THSD7B: variants seen among roughly 807,000 people sequenced by gnomAD.
THSD7B encodes thrombospondin type 1 domain containing 7B, also known as thrombospondin type-1 domain-containing protein 7B.
Under a neutral mutation model 213.6 loss-of-function variants are expected in THSD7B, and 138 were observed. The observed-to-expected ratio is 0.65, with a 90% CI of 0.56 to 0.74. The LOEUF is 0.74. Among genes scored for constraint, THSD7B ranks in the 30% least tolerant of loss-of-function variants. The pLI is 0.00. For synonymous variants in THSD7B, 742 were observed against 687.0 expected (o/e 1.08, Z -1.25); for missense variants, 1,931 against 1,991.5 (o/e 0.97, Z 0.58).
intron 2 of THSD7B, among the ~76,000 whole-genome samples, chr2:136,910,763 T>C (rs1029155681): frequency 1.3e-5 from 2 of 152,122 alleles, no homozygotes; most frequent in Non-Finnish European, 2.9e-5. Context: ...TTACCCCAAA[T>C]GATATAATTT....
chr2:137,252,877 AAGAGACT>A (rs1428071766), intron 10 of THSD7B, among the ~76,000 whole-genome samples: 1 of 150,578 alleles, frequency 6.6e-6, no homozygotes, highest in Admixed American at 6.6e-5. Flanking sequence ...AAACTATTGG[AAGAGACT>A]AGCATGTTTC....
Position 137,087,435 on chromosome 2 carries a change from T to A in THSD7B, c.951-7438T>A, listed in dbSNP as rs564622511. ...CCTCCTGCAGAAAGCTCCCAGAACT[T>A]ATAAAATAATTCAGCAAAGTTTCTG... On this transcript the variant is annotated intron_variant, in intron 3 of 27. Coordinates refer to ENST00000409968, the MANE Select transcript of THSD7B (RefSeq NM_001316349.2). 3.3e-5 allele frequency among the ~76,000 whole-genome samples: 5 copies of A among 152,262 alleles called. No individual in the cohort carries two copies. In the South Asian group the frequency reaches 8.3e-4, roughly 25 times the overall value.
At chr2:136,942,063 A>T (rs1684837276) in intron 2 of THSD7B, among the ~76,000 whole-genome samples, 1 of 152,226 alleles carries the variant, frequency 6.6e-6, no homozygotes. Context: ...CTTTCTACAT[A>T]TAGCTAGCCA....
intron 19 of THSD7B, 28 bp from the exon 20 acceptor site, chr2:137,620,581 T>C (rs781614871): frequency 6.4e-7 from 1 of 1,554,606 alleles, no homozygotes; most frequent in South Asian, 1.1e-5. Flanking sequence ...ATTTCTCCAA[T>C]AAAGTTGTGT....
chr2:137,675,979 C>T (rs1683691145), intron 27 of THSD7B, among the ~76,000 whole-genome samples: 1 of 152,182 alleles, frequency 6.6e-6, no homozygotes, highest in Non-Finnish European at 1.5e-5. Context: ...GGAAAAGCAG[C>T]CTTCTCTGAC....
rs559886762 is a variant in THSD7B at position 137,281,550 on chromosome 2, C to G, written c.2500+5524C>G. 2.7e-5 allele frequency among the ~76,000 whole-genome samples: 4 copies of G among 150,870 alleles called. No homozygotes were observed. In the South Asian group the frequency reaches 8.5e-4, roughly 32 times the overall value. On this transcript the variant is annotated intron_variant, in intron 12 of 27. Coordinates refer to ENST00000409968, the MANE Select transcript of THSD7B (RefSeq NM_001316349.2). Reference sequence around the variant, plus strand: ...ATTAGGTATATCTCCCAATGCTATCCCCCCACCCCCACCCCACAGCAGTCC... The same window carrying G: ...ATTAGGTATATCTCCCAATGCTATCGCCCCACCCCCACCCCACAGCAGTCC...
chr2:137,586,675 C>T (rs951390927), intron 17 of THSD7B, among the ~76,000 whole-genome samples: 7 of 152,214 alleles, frequency 4.6e-5, no homozygotes, highest in African/African-American at 7.2e-5. Context: ...CCACTCTCTT[C>T]TGGCTTGTAG....
chr2:137,113,377 T>C (rs935108597), intron 4 of THSD7B, among the ~76,000 whole-genome samples: 4 of 152,188 alleles, frequency 2.6e-5, no homozygotes, highest in African/African-American at 9.6e-5. Context: ...TTCTCTTTAT[T>C]TCTCATACCC....
At chr2:137,206,878 A>G (rs1680995090) in intron 7 of THSD7B, among the ~76,000 whole-genome samples, 1 of 152,072 alleles carries the variant, frequency 6.6e-6, no homozygotes, top group South Asian at 2.1e-4. Flanking sequence ...AAATTAATAT[A>G]TTGAAAGAAA....
intron 5 of THSD7B, among the ~76,000 whole-genome samples, chr2:137,150,500 C>G (rs1208307829): frequency 1.3e-5 from 2 of 152,064 alleles, no homozygotes; most frequent in African/African-American, 2.4e-5. Context: ...GGGCTTCCCC[C>G]CCTACACTCT....
intron 14 of THSD7B, among the ~76,000 whole-genome samples, chr2:137,426,704 A>C (rs893296220): frequency 1.3e-5 from 2 of 152,170 alleles, no homozygotes; most frequent in African/African-American, 2.4e-5. Flanking sequence ...AAACTACTCA[A>C]AGAAGACATA....
intron 12 of THSD7B, among the ~76,000 whole-genome samples, chr2:137,399,238 G>GT (rs1303874293): frequency 6.6e-6 from 1 of 150,408 alleles, no homozygotes; most frequent in African/African-American, 2.5e-5. Context: ...TGTTTCCCAG[G>GT]TTGTAGTGCA....
intron 2 of THSD7B, among the ~76,000 whole-genome samples, chr2:137,014,532 A>G (rs1686299819): frequency 6.6e-6 from 1 of 152,176 alleles, no homozygotes; most frequent in Non-Finnish European, 1.5e-5. Context: ...TCTTAAAGGC[A>G]TTCCTGTGTC....
chr2:136,940,080 T>C (rs60017650), intron 2 of THSD7B, among the ~76,000 whole-genome samples: 2,235 of 152,280 alleles, frequency 0.015, 71 homozygotes, highest in African/African-American at 0.051. Flanking sequence ...TTAACATTTG[T>C]ATAATGGTAA....
intron 3 of THSD7B, among the ~76,000 whole-genome samples, chr2:137,074,586 T>C (rs945369266): frequency 7.9e-5 from 12 of 152,322 alleles, no homozygotes; most frequent in Non-Finnish European, 1.8e-4. Context: ...CCCATTTACA[T>C]TTAAAGTTAA....
chr2:137,018,860 G>A (rs992184464), intron 2 of THSD7B, among the ~76,000 whole-genome samples: 2 of 152,000 alleles, frequency 1.3e-5, no homozygotes, highest in African/African-American at 2.4e-5. Context: ...GGAATTATTG[G>A]CAGTTTCCTC....
rs1679806456 is a variant in THSD7B at position 137,505,163 on chromosome 2, G to C, written c.3138+54140G>C. 2.6e-5 allele frequency among the ~76,000 whole-genome samples: 4 copies of C among 152,232 alleles called. No homozygotes were observed. In the South Asian group the frequency reaches 8.3e-4, roughly 32 times the overall value. On this transcript the variant is annotated intron_variant, in intron 15 of 27. Transcript: ENST00000409968. The stretch of plus-strand genomic sequence containing the variant: ...TCCCACATTTCCCAAGAAGGGGCCT[G>C]CTTTGTATCTCTGCTGCAGTCATCA...
intron 15 of THSD7B, among the ~76,000 whole-genome samples, chr2:137,499,063 C>T (rs1679641534): frequency 1.3e-5 from 2 of 152,082 alleles, no homozygotes; most frequent in Non-Finnish European, 1.5e-5. Context: ...CATCTTTGGG[C>T]CCCTGTTCAG....
chr2:136,878,346 T>C (rs539273756), intron 1 of THSD7B, among the ~76,000 whole-genome samples: 1 of 152,232 alleles, frequency 6.6e-6, no homozygotes, highest in Non-Finnish European at 1.5e-5. Flanking sequence ...GTTCCAAGTC[T>C]TTGCTATTGT....
Sources: allele counts gnomAD v4.1 joint callset (sites outside exome capture counted in the v4.1 genomes callset), GRCh38; gene constraint gnomAD v4.1.1; transcripts MANE v1.5; gene names NCBI Gene and HGNC (gene_info 2026-07-23, HGNC 2026-07-21).